Variants in C12orf42 observed in about 807,000 individuals in gnomAD.
C12orf42 encodes chromosome 12 open reading frame 42.
In C12orf42, 25 loss-of-function variants were observed where a neutral mutation model predicts 21.6. That is an observed-to-expected ratio of 1.16 (90% confidence interval 0.84 to 1.62). The LOEUF (loss-of-function observed/expected upper bound fraction) is 1.62, where lower values mean the gene tolerates loss of function less well. Ranked by LOEUF, C12orf42 falls within the 40% of genes most tolerant of loss-of-function variation. C12orf42 has a pLI of 0.00. For synonymous variants in C12orf42, 174 were observed against 175.0 expected (o/e 0.99, Z 0.05); for missense variants, 483 against 459.3 (o/e 1.05, Z -0.47).
At chr12:103,087,910 C>A in the C12orf42 span, among the ~76,000 whole-genome samples, 5 of 152,130 alleles carry the variant, frequency 3.3e-5, no homozygotes, top group South Asian at 6.2e-4. Flanking sequence ...AAACTAGAAC[C>A]CATTATTATC....
At chr12:103,469,506 CTG>C (rs1953416784) in intron 2 of C12orf42, among the ~76,000 whole-genome samples, 1 of 152,090 alleles carries the variant, frequency 6.6e-6, no homozygotes, top group Admixed American at 6.5e-5. Context: ...TTAAGAAAAT[CTG>C]ATTTTTTGGC....
chr12:103,394,803 A>G (rs1257158747), intron 3 of C12orf42, among the ~76,000 whole-genome samples: 3 of 152,158 alleles, frequency 2.0e-5, no homozygotes, highest in African/African-American at 7.2e-5. Context: ...CCAACTCCAA[A>G]CTGTGGCAGA....
the C12orf42 span, among the ~76,000 whole-genome samples, chr12:103,213,464 T>C: frequency 3.3e-3 from 510 of 152,280 alleles, 3 homozygotes; most frequent in East Asian, 0.022. Flanking sequence ...TTGAATTAAT[T>C]TGGGGATATG....
chr12:103,238,138 C>T (rs1020204879), intron 10 of C12orf42, among the ~76,000 whole-genome samples: 1 of 151,810 alleles, frequency 6.6e-6, no homozygotes, highest in Non-Finnish European at 1.5e-5. Flanking sequence ...TTCTACTGAA[C>T]TCCCCAGAGT....
At chr12:103,352,952 TG>T (rs1202434905) in intron 4 of C12orf42, among the ~76,000 whole-genome samples, 1 of 152,086 alleles carries the variant, frequency 6.6e-6, no homozygotes, top group Non-Finnish European at 1.5e-5. Context: ...AACAGAGAAG[TG>T]TGGGTTTATC....
chr12:103,143,277 A>T, the C12orf42 span, among the ~76,000 whole-genome samples: 1 of 152,244 alleles, frequency 6.6e-6, no homozygotes, highest in Non-Finnish European at 1.5e-5. Context: ...AATGCTCACT[A>T]AATGGCTGGT....
chr12:103,113,092 C>T, the C12orf42 span, among the ~76,000 whole-genome samples: 2 of 151,930 alleles, frequency 1.3e-5, no homozygotes, highest in South Asian at 2.1e-4. Context: ...CAGCTTGACC[C>T]ATCTTTTTTT....
the C12orf42 span, among the ~76,000 whole-genome samples, chr12:103,220,468 C>T: frequency 8.5e-5 from 13 of 152,120 alleles, no homozygotes; most frequent in Non-Finnish European, 1.8e-4. Context: ...TTTCATGAAA[C>T]TGACTTTCAT....
the C12orf42 span, among the ~76,000 whole-genome samples, chr12:103,129,804 G>C: frequency 1.3e-5 from 2 of 152,142 alleles, no homozygotes; most frequent in Non-Finnish European, 2.9e-5. Context: ...GCACTAAGTG[G>C]CCTTCCAGCT....
chr12:103,512,682 G>C, the C12orf42 span, among the ~76,000 whole-genome samples: 1 of 152,196 alleles, frequency 6.6e-6, no homozygotes, highest in Non-Finnish European at 1.5e-5. Context: ...GATTGCTGTT[G>C]TGGTGGTTAG....
chr12:103,288,173 C>T (rs1339985716), intron 4 of C12orf42, among the ~76,000 whole-genome samples: 1 of 152,182 alleles, frequency 6.6e-6, no homozygotes, highest in South Asian at 2.1e-4. Flanking sequence ...TCAATTGTTA[C>T]TAGGCAGAAT....
intron 1 of C12orf42, among the ~76,000 whole-genome samples, chr12:103,489,797 C>T (rs935601621): frequency 3.3e-5 from 5 of 152,246 alleles, no homozygotes; most frequent in African/African-American, 1.2e-4. Context: ...GTTGCTAAGA[C>T]TATCGGAAAA....
At chr12:103,175,417 A>G in the C12orf42 span, among the ~76,000 whole-genome samples, 1 of 152,228 alleles carries the variant, frequency 6.6e-6, no homozygotes, top group African/African-American at 2.4e-5. Flanking sequence ...CAGTTGAACA[A>G]GAAAATGTTG....
In C12orf42 at chr12:103,306,183, G is replaced by A. The variant is rs746339721; in HGVS notation, c.422C>T (p.Pro141Leu). 1.2e-6 allele frequency: 2 copies of A among 1,613,768 alleles called. No homozygotes were observed. The highest frequency in any genetic ancestry group is 1.7e-6 in the Non-Finnish European group (2 of 1,179,868). Reference sequence around the variant, plus strand: ...TTCTCCTCTGGCAGTAAAAATCAATGGGGCCTCATCAGTTTCACTGGATGG... The same window carrying A: ...TTCTCCTCTGGCAGTAAAAATCAATAGGGCCTCATCAGTTTCACTGGATGG... ...PAPSSETDEAPLIFTARGETE... is the reference protein window; with the variant it reads ...PAPSSETDEALLIFTARGETE... Residue 141 changes from proline (P) to leucine (L), a missense_variant, in exon 5 of 6, where the codon CCA becomes CTA. Physicochemically the swap from Pro to Leu is moderately conservative, Grantham distance 98 (BLOSUM62 -3). Transcript: ENST00000548883.
intron 1 of C12orf42, among the ~76,000 whole-genome samples, chr12:103,495,393 C>G (rs1443780363): frequency 6.6e-6 from 1 of 152,042 alleles, no homozygotes; most frequent in East Asian, 1.9e-4. Context: ...TCCACCGCCC[C>G]CAACCGCTCC....
chr12:103,348,351 T>G (rs573227893), intron 4 of C12orf42, among the ~76,000 whole-genome samples: 5 of 152,202 alleles, frequency 3.3e-5, no homozygotes, highest in African/African-American at 9.6e-5. Context: ...CCTACCTTAT[T>G]GTGGGAGAAG....
At chr12:103,103,869 C>T in the C12orf42 span, among the ~76,000 whole-genome samples, 1 of 150,634 alleles carries the variant, frequency 6.6e-6, no homozygotes, top group African/African-American at 2.4e-5. Context: ...GGTGCGATCG[C>T]GGCTCACTGC....
the C12orf42 span, among the ~76,000 whole-genome samples, chr12:103,097,581 C>T: frequency 6.6e-6 from 1 of 152,156 alleles, no homozygotes; most frequent in Non-Finnish European, 1.5e-5. Context: ...TAACATTTTG[C>T]ACTGTACAGA....
the C12orf42 span, among the ~76,000 whole-genome samples, chr12:103,221,938 G>A: frequency 6.6e-6 from 1 of 152,104 alleles, no homozygotes; most frequent in African/African-American, 2.4e-5. Flanking sequence ...ATAGTGTCCT[G>A]CAGTAAAGGT....
Sources: allele counts gnomAD v4.1 joint callset (sites outside exome capture counted in the v4.1 genomes callset), GRCh38; gene constraint gnomAD v4.1.1; transcripts MANE v1.5; gene names NCBI Gene and HGNC (gene_info 2026-07-23, HGNC 2026-07-21).